Variants in ZNF654 observed in about 807,000 individuals in gnomAD.
The protein encoded by ZNF654 is zinc finger protein 654, also known as melanoma-associated antigen.
Under a neutral mutation model 95.3 loss-of-function variants are expected in ZNF654, and 19 were observed. The ratio of observed to expected loss-of-function variants is 0.20; its 90% CI spans 0.14 to 0.29. The LOEUF (loss-of-function observed/expected upper bound fraction) is 0.29, where lower values mean the gene tolerates loss of function less well. Among genes scored for constraint, ZNF654 ranks in the 10% least tolerant of loss-of-function variants. The pLI, the probability that ZNF654 is intolerant of heterozygous loss-of-function variation, is 1.00. For synonymous variants in ZNF654, 413 were observed against 457.9 expected (o/e 0.90, Z 1.25); for missense variants, 1,046 against 1,341.0 (o/e 0.78, Z 3.44).
At position 88,059,267 on chromosome 3, in the gene ZNF654, T is replaced by TACGGCGGCG; in HGVS notation, c.-52_-44dup. ...GGAGGAGGAGGTTAGCCTAGGCATC[T>TACGGCGGCG]ACGGCGGCGGCGGCGGCGCAGGGGC... is the stretch of plus-strand genomic sequence containing the variant. On this transcript the variant is annotated 5_prime_UTR_variant, in exon 1 of 9. Coordinates refer to ENST00000636215, the MANE Select transcript of ZNF654 (RefSeq NM_001350134.2). The TACGGCGGCG allele has an allele frequency of 6.5e-7, 1 of 1,531,774 alleles. No individual in the cohort carries two copies. Among genetic ancestry groups the TACGGCGGCG allele is most frequent in the Non-Finnish European group, 8.7e-7 (1 of 1,145,706 alleles). The allele number at this position is 1,531,774 out of a possible 1,614,324, so 94.9% of individuals were successfully genotyped here.
At chr3:88,121,960 A>G (rs921784226) in intron 3 of ZNF654, among the ~76,000 whole-genome samples, 3 of 152,194 alleles carry the variant, frequency 2.0e-5, no homozygotes, top group South Asian at 2.1e-4. Context: ...TTGAGAATGT[A>G]TCTTCTCTGG....
chr3:88,066,111 G>A (rs1310908316), intron 1 of ZNF654, among the ~76,000 whole-genome samples: 3 of 152,152 alleles, frequency 2.0e-5, no homozygotes, highest in Non-Finnish European at 2.9e-5. Context: ...TTTCCCCAAA[G>A]CATGTGAGAT....
chr3:88,108,190 G>C (rs1342622657), intron 2 of ZNF654, among the ~76,000 whole-genome samples: 2 of 151,508 alleles, frequency 1.3e-5, no homozygotes, highest in Non-Finnish European at 2.9e-5. Flanking sequence ...TACATGAGAA[G>C]ATTTTCAAAG....
At position 88,139,528 on chromosome 3, in the gene ZNF654, A is replaced by T. The variant is rs750519830; in HGVS notation, c.1859A>T (p.Asn620Ile). The T allele has an allele frequency of 1.9e-5, 30 of 1,613,300 alleles. No homozygotes were observed. Among genetic ancestry groups the T allele is most frequent in the Non-Finnish European group, 2.4e-5 (28 of 1,179,684 alleles). ...DQEVTALEEINCSSSSISFEN... is the reference protein window; with the variant it reads ...DQEVTALEEIICSSSSISFEN... ...GAAGTCACTGCTTTGGAAGAAATAAATTGTTCTAGTTCTTCCATTTCATTT... is the reference window on the plus strand; with the variant it reads ...GAAGTCACTGCTTTGGAAGAAATAATTTGTTCTAGTTCTTCCATTTCATTT... The change falls in exon 8 of 9, where the codon AAT becomes ATT. Residue 620 changes from asparagine (N) to isoleucine (I), a missense_variant. Around this residue, in one of 9 missense-constraint regions of ZNF654, gnomAD observed 495 missense variants for 537.0 expected, o/e 0.92. Transcript: ENST00000636215.
chr3:88,106,757 T>G (rs1704764554), intron 2 of ZNF654, among the ~76,000 whole-genome samples: 1 of 152,238 alleles, frequency 6.6e-6, no homozygotes, highest in Non-Finnish European at 1.5e-5. Context: ...CTATTGCTTC[T>G]GAGTTTCTTA....
At chr3:88,065,991 C>T (rs559814020) in intron 1 of ZNF654, among the ~76,000 whole-genome samples, 34 of 152,276 alleles carry the variant, frequency 2.2e-4, no homozygotes, top group African/African-American at 7.9e-4. Flanking sequence ...ACTGTGGCCT[C>T]CCATGATGCT....
intron 3 of ZNF654, among the ~76,000 whole-genome samples, chr3:88,119,030 A>C (rs1383441957): frequency 6.7e-6 from 1 of 149,618 alleles, no homozygotes; most frequent in African/African-American, 2.5e-5. Context: ...CCATCCCATT[A>C]CTGGGTATAT....
intron 3 of ZNF654, among the ~76,000 whole-genome samples, chr3:88,121,345 T>A (rs1705758803): frequency 6.6e-6 from 1 of 152,142 alleles, no homozygotes; most frequent in African/African-American, 2.4e-5. Context: ...TTTAATGGCA[T>A]AATAGAAGCA....
At chr3:88,059,686 G>A (rs1330849508) in intron 1 of ZNF654, among the ~76,000 whole-genome samples, 181 bp downstream of exon 1, 1 of 152,092 alleles carries the variant, frequency 6.6e-6, no homozygotes, top group African/African-American at 2.4e-5. Context: ...GGAGCAAGGC[G>A]AGGGTGACCC....
intron 1 of ZNF654, among the ~76,000 whole-genome samples, chr3:88,062,775 G>A (rs1313174367): frequency 1.3e-5 from 2 of 152,110 alleles, no homozygotes; most frequent in African/African-American, 4.8e-5. Flanking sequence ...GTCATGCCAC[G>A]AGGATGTCAT....
chr3:88,082,791 T>C (rs1708148106), intron 1 of ZNF654, among the ~76,000 whole-genome samples: 1 of 152,226 alleles, frequency 6.6e-6, no homozygotes, highest in African/African-American at 2.4e-5. Context: ...TAAATAGTTG[T>C]GTATTACTTA....
At chr3:88,119,807 A>T (rs1046153095) in intron 3 of ZNF654, among the ~76,000 whole-genome samples, 1 of 152,198 alleles carries the variant, frequency 6.6e-6, no homozygotes, top group Non-Finnish European at 1.5e-5. Context: ...TACTTATTTT[A>T]AAATGCTAAT....
At chr3:88,093,204 G>T (rs542398554) in intron 2 of ZNF654, among the ~76,000 whole-genome samples, 1 of 152,058 alleles carries the variant, frequency 6.6e-6, no homozygotes, top group Non-Finnish European at 1.5e-5. Flanking sequence ...TTTTCCTTTT[G>T]CCTTGTTTTA....
Position 88,086,379 on chromosome 3 carries a change from A to T in ZNF654, c.309A>T (p.Gln103His), listed in dbSNP as rs1355729557. The T allele has an allele frequency of 6.5e-7, 1 of 1,534,140 alleles. No individual in the cohort carries two copies. Among genetic ancestry groups the T allele is most frequent in the Non-Finnish European group, 8.7e-7 (1 of 1,145,706 alleles). ...ASFPDECEHV[Q>H]YVLSSLAVSF... ...TCCCAGATGAATGTGAGCATGTACA[A>T]TATGTTTTGAGTAGCCTTGCTGTGT... The change falls in exon 2 of 9, where the codon CAA (glutamine) becomes CAT (histidine). Residue 103 changes from glutamine to histidine, a missense_variant. Coordinates refer to ENST00000636215, the MANE Select transcript of ZNF654 (RefSeq NM_001350134.2).
intron 6 of ZNF654, among the ~76,000 whole-genome samples, chr3:88,133,785 C>A (rs763882475): frequency 2.6e-5 from 4 of 151,928 alleles, no homozygotes; most frequent in Admixed American, 6.6e-5. Flanking sequence ...TGTAGAAATA[C>A]ATGTGTAAAA....
chr3:88,138,656 C>CA (rs1361558484), intron 7 of ZNF654, 49 bp from the exon 8 acceptor site: 1 of 1,135,136 alleles, frequency 8.8e-7, no homozygotes, highest in African/African-American at 1.6e-5. Flanking sequence ...CTAGTATAAC[C>CA]ATTTTTTTGG....
At chr3:88,116,038 TC>T (rs1474470373) in intron 3 of ZNF654, among the ~76,000 whole-genome samples, 1 of 152,028 alleles carries the variant, frequency 6.6e-6, no homozygotes, top group Non-Finnish European at 1.5e-5. Context: ...AGAGAGAACT[TC>T]CACTGGTATC....
chr3:88,111,315 C>T (rs1465629649), intron 2 of ZNF654, among the ~76,000 whole-genome samples: 1 of 151,908 alleles, frequency 6.6e-6, no homozygotes, highest in Admixed American at 6.6e-5. Flanking sequence ...TTCTTATTTA[C>T]CCTTTGCAGA....
intron 6 of ZNF654, among the ~76,000 whole-genome samples, chr3:88,133,589 TA>T (rs63157760): frequency 0.15 from 22,362 of 152,094 alleles, 1,716 homozygotes; most frequent in African/African-American, 0.17. Context: ...TTTCCAAATA[TA>T]GCAGTCAGCA....
Sources: allele counts gnomAD v4.1 joint callset (sites outside exome capture counted in the v4.1 genomes callset), GRCh38; gene constraint gnomAD v4.1.1; regional missense constraint gnomAD v4.1.1; transcripts MANE v1.5; gene names NCBI Gene and HGNC (gene_info 2026-07-23, HGNC 2026-07-21).